NTRK3: variants seen among roughly 807,000 people sequenced by gnomAD.
NTRK3 encodes the protein neurotrophic receptor tyrosine kinase 3, also known as NT-3 growth factor receptor.
NTRK3 carries 24 observed loss-of-function variants against 91.7 expected under a neutral mutation model. The observed-to-expected ratio is 0.26, with a 90% confidence interval of 0.19 to 0.37. NTRK3 has a LOEUF of 0.37. Among genes scored for constraint, NTRK3 ranks in the 10% least tolerant of loss-of-function variants. NTRK3 has a pLI of 1.00. For synonymous variants in NTRK3, 483 were observed against 404.0 expected (o/e 1.20, Z -2.34); for missense variants, 880 against 1,068.9 (o/e 0.82, Z 2.46).
chr15:87,918,091 G>C (rs2067582359), intron 17 of NTRK3, among the ~76,000 whole-genome samples: 1 of 152,048 alleles, frequency 6.6e-6, no homozygotes, highest in African/African-American at 2.4e-5. Flanking sequence ...CCAGTCTCCA[G>C]TTCGTAGTCC....
chr15:88,139,100 C>T (rs773917054), intron 6 of NTRK3, among the ~76,000 whole-genome samples: 3 of 152,160 alleles, frequency 2.0e-5, no homozygotes, highest in African/African-American at 4.8e-5. Context: ...ATGAAGAAGA[C>T]AGTCCCTGTC....
Position 88,149,989 on chromosome 15 carries a change from G to T in NTRK3, c.396-2586C>A, listed in dbSNP as rs552989034. On this transcript the variant is annotated intron_variant, in intron 5 of 18. Coordinates refer to ENST00000394480, the Ensembl canonical transcript of NTRK3. ...CCAAATCCATGAGGTAATCCCTGCG[G>T]CACTTTGGGAAGATGTCCGTCCCCT... Among the ~76,000 whole-genome samples, 4 of 152,314 alleles carry T rather than the reference G, an allele frequency of 2.6e-5. No homozygotes were observed. In the South Asian group the frequency reaches 8.3e-4, roughly 32 times the overall value.
At chr15:87,964,447 C>T (rs993763646) in intron 14 of NTRK3, among the ~76,000 whole-genome samples, 7 of 151,308 alleles carry the variant, frequency 4.6e-5, no homozygotes, top group Non-Finnish European at 5.9e-5. Context: ...CTTTATTTTA[C>T]ATATTTATTA....
intron 13 of NTRK3, among the ~76,000 whole-genome samples, chr15:88,038,509 G>C (rs957989570): frequency 2.0e-5 from 3 of 152,060 alleles, no homozygotes; most frequent in African/African-American, 7.2e-5. Context: ...CCTTGGACAG[G>C]GCTGTTCTAG....
intron 5 of NTRK3, among the ~76,000 whole-genome samples, chr15:88,154,012 A>T (rs2043646749): frequency 6.6e-6 from 1 of 151,424 alleles, no homozygotes; most frequent in South Asian, 2.1e-4. Context: ...TTTGCTGAAG[A>T]ATCTGCAAGA....
intron 3 of NTRK3, among the ~76,000 whole-genome samples, chr15:88,208,263 G>A (rs923858607): frequency 6.6e-6 from 1 of 151,844 alleles, no homozygotes; most frequent in Non-Finnish European, 1.5e-5. Context: ...CCACACTCAA[G>A]GGGATCCTTC....
intron 13 of NTRK3, among the ~76,000 whole-genome samples, chr15:88,113,019 T>C (rs1457510065): frequency 1.3e-5 from 2 of 152,274 alleles, no homozygotes; most frequent in East Asian, 3.9e-4. Context: ...TTGAAATCAT[T>C]CTTTCCCAAA....
At chr15:88,163,008 C>T (rs564290250) in intron 5 of NTRK3, among the ~76,000 whole-genome samples, 1 of 152,262 alleles carries the variant, frequency 6.6e-6, no homozygotes, top group South Asian at 2.1e-4. Flanking sequence ...AAGAAGGGCA[C>T]ACAAAACCTT....
intron 13 of NTRK3, among the ~76,000 whole-genome samples, chr15:88,108,432 T>G (rs533273171): frequency 6.6e-6 from 1 of 152,172 alleles, no homozygotes; most frequent in African/African-American, 2.4e-5. Context: ...CTAAAAAGAA[T>G]AGCCCATATA....
At chr15:87,912,929 AAAATAT>A (rs1322096582) in intron 17 of NTRK3, among the ~76,000 whole-genome samples, 38 of 15,090 alleles carry the variant, frequency 2.5e-3, no homozygotes, top group Admixed American at 7.9e-3. Context: ...AAAGTAAAAA[AAAATAT>A]ATATATATAT....
chr15:87,966,152 C>G (rs2141238276), intron 14 of NTRK3, among the ~76,000 whole-genome samples: 1 of 152,222 alleles, frequency 6.6e-6, no homozygotes, highest in Middle Eastern at 3.4e-3. Flanking sequence ...CTATGTTTAC[C>G]TCTCCCATAA....
chr15:88,079,633 A>G (rs1213246756), intron 13 of NTRK3, among the ~76,000 whole-genome samples: 1 of 152,248 alleles, frequency 6.6e-6, no homozygotes, highest in African/African-American at 2.4e-5. Flanking sequence ...TTTAATTACA[A>G]AAGCAACATG....
At chr15:88,188,489 C>A (rs2047129587) in intron 3 of NTRK3, among the ~76,000 whole-genome samples, 1 of 152,202 alleles carries the variant, frequency 6.6e-6, no homozygotes, top group Non-Finnish European at 1.5e-5. Flanking sequence ...TCATCAGCCC[C>A]AAATGTCCAC....
intron 13 of NTRK3, among the ~76,000 whole-genome samples, chr15:88,085,866 C>G (rs143159166): frequency 4.4e-4 from 67 of 152,212 alleles, no homozygotes; most frequent in African/African-American, 1.5e-3. Context: ...AATAGGGATA[C>G]AGAGATTAAT....
chr15:88,006,039 A>G (rs1332744079), intron 14 of NTRK3, among the ~76,000 whole-genome samples: 3 of 152,144 alleles, frequency 2.0e-5, no homozygotes, highest in African/African-American at 7.2e-5. Context: ...CTTTTTCAAG[A>G]GCTTCTCACA....
chr15:87,871,902 T>A (rs1204510423), exon 19 of NTRK3: 5 of 220,832 alleles, frequency 2.3e-5, no homozygotes, highest in Non-Finnish European at 4.5e-5. Context: ...CCCATATTGA[T>A]GTCTTAATAA....
exon 19 of NTRK3, chr15:87,864,739 A>T (rs1159222632): frequency 1.3e-5 from 3 of 229,328 alleles, no homozygotes; most frequent in Non-Finnish European, 2.6e-5. Flanking sequence ...TCTAAAAAAC[A>T]GACACCAGCA....
chr15:87,979,615 T>C, intron 14 of NTRK3: 2 of 644,860 alleles, frequency 3.1e-6, no homozygotes, highest in Non-Finnish European at 2.7e-6. Context: ...AGGAGGGGAT[T>C]AACTTAAAAC....
At chr15:87,950,473 G>C (rs970495215) in intron 14 of NTRK3, among the ~76,000 whole-genome samples, 1 of 152,192 alleles carries the variant, frequency 6.6e-6, no homozygotes, top group East Asian at 1.9e-4. Context: ...ACGAAGAAAA[G>C]AAGAAAGGAC....
Sources: allele counts gnomAD v4.1 joint callset (sites outside exome capture counted in the v4.1 genomes callset), GRCh38; gene constraint gnomAD v4.1.1; transcripts MANE v1.5; gene names NCBI Gene and HGNC (gene_info 2026-07-23, HGNC 2026-07-21).